The following PTCHD1 variants were observed in gnomAD, a reference collection of about 807,000 sequenced individuals.
PTCHD1 encodes the protein patched domain-containing protein 1.
A neutral mutation model predicts 34.6 loss-of-function variants in PTCHD1; 3 were observed. That is an observed-to-expected ratio of 0.09 (90% CI 0.04 to 0.22). The LOEUF (loss-of-function observed/expected upper bound fraction) is 0.22, where lower values mean the gene tolerates loss of function less well. Among genes scored for constraint, PTCHD1 ranks in the 10% least tolerant of loss-of-function variants. PTCHD1 has a pLI of 1.00. For synonymous variants in PTCHD1, 305 were observed against 283.1 expected, an observed-to-expected ratio of 1.08 and a Z score of -0.77; for missense variants, 504 against 685.5, an observed-to-expected ratio of 0.74 and a Z score of 2.96.
At chrX:23,335,270 C>T (rs373154888) in intron 1 of PTCHD1, 44 bp downstream of exon 1, 2 of 1,072,424 alleles carry the variant, frequency 1.9e-6, no homozygotes, top group African/African-American at 3.6e-5. Flanking sequence ...GCGCCGCGGC[C>T]GCGGTCGGGC....
At position 23,392,610 on chromosome X, in the gene PTCHD1, T is replaced by G. The variant is rs1204789959; in HGVS notation, c.1092T>G (p.Thr364=). 4 of 1,206,695 alleles carry G rather than the reference T, an allele frequency of 3.3e-6. No homozygotes were observed. The highest frequency in any genetic ancestry group is 3.4e-6 in the Non-Finnish European group (3 of 890,677). Residue 364 remains threonine, a synonymous_variant, in exon 3 of 3, where the codon ACT becomes ACG. Coordinates refer to ENST00000379361, the MANE Select transcript of PTCHD1 (RefSeq NM_173495.3). ...TREDQHVKER[T]AAVYADSMLS... ...AAGACCAACATGTTAAAGAGAGAACTGCAGCAGTCTATGCAGACTCCATGC... is the reference window on the plus strand; with the variant it reads ...AAGACCAACATGTTAAAGAGAGAACGGCAGCAGTCTATGCAGACTCCATGC...
At chrX:23,376,419 T>G (rs1256978711) in intron 1 of PTCHD1, among the ~76,000 whole-genome samples, 3 of 112,519 alleles carry the variant, frequency 2.7e-5, no homozygotes, top group Non-Finnish European at 3.8e-5. Context: ...ACCCTGGCTT[T>G]CTTTTCCCTC....
chrX:23,364,857 C>G (rs1463971926), intron 1 of PTCHD1, among the ~76,000 whole-genome samples: 3 of 112,811 alleles, frequency 2.7e-5, no homozygotes, highest in Non-Finnish European at 3.7e-5. Flanking sequence ...AGGCTTCTAA[C>G]TATGTCTCTA....
Position 23,401,624 on chromosome X carries a change from A to G in PTCHD1, c.*7439A>G, listed in dbSNP as rs1923126087. 1 of 113,314 alleles carries G rather than the reference A, an allele frequency of 8.8e-6. No homozygotes were observed. The highest frequency in any genetic ancestry group is 3.6e-4 in the South Asian group (1 of 2,813). 9.3% of individuals were successfully genotyped at this position (113,314 alleles called of 1,213,427 possible). A position where few individuals can be genotyped will look rare whatever the true frequency, so the allele number is the denominator to read the frequency against. ...ATGCTTACATACACACATATCACAG[A>G]TGTGCATGCACACATACACATGCAC... is the stretch of plus-strand genomic sequence containing the variant. On this transcript the variant is annotated 3_prime_UTR_variant, in exon 3 of 3. Coordinates refer to ENST00000379361, the MANE Select transcript of PTCHD1 (RefSeq NM_173495.3).
chrX:23,376,923 A>G (rs1922426703), intron 1 of PTCHD1, among the ~76,000 whole-genome samples: 1 of 112,131 alleles, frequency 8.9e-6, no homozygotes, highest in Non-Finnish European at 1.9e-5. Flanking sequence ...CTCAAACTTC[A>G]TTAAGGTTCT....
Position 23,356,359 on chromosome X carries a change from A to C in PTCHD1, c.351+21133A>C, listed in dbSNP as rs746824640. ...CAGATGTGTAAACACCCTGGGGACC[A>C]GGGAGGATCTAAAATGCGTGTCTAG... On this transcript the variant is annotated intron_variant, in intron 1 of 2. Coordinates refer to ENST00000379361, the MANE Select transcript of PTCHD1 (RefSeq NM_173495.3). 1.0e-3 allele frequency among the ~76,000 whole-genome samples: 115 copies of C among 112,426 alleles called. 1 individual carries two copies. The highest frequency in any genetic ancestry group is 3.6e-3 in the African/African-American group (110 of 30,955).
chrX:23,398,528 T>C lies in PTCHD1; in HGVS notation c.*4343T>C, dbSNP rs1332118471. On this transcript the variant is annotated 3_prime_UTR_variant, in exon 3 of 3. Transcript: ENST00000379361. Reference sequence around the variant, plus strand: ...ACTGTGGCTGGCTTGTCTGAGGGAATGTAAACATTCCCTTGAGGTAATTTG... The same window carrying C: ...ACTGTGGCTGGCTTGTCTGAGGGAACGTAAACATTCCCTTGAGGTAATTTG... The C allele has an allele frequency of 1.8e-5, 2 of 111,740 alleles. No individual in the cohort carries two copies. Among genetic ancestry groups the C allele is most frequent in the Non-Finnish European group, 3.8e-5 (2 of 53,114 alleles). The allele number at this position is 111,740 out of a possible 1,213,427, so 9.2% of individuals were successfully genotyped here. A position where few individuals can be genotyped will look rare whatever the true frequency, so the allele number is the denominator to read the frequency against.
rs1923118066 is a variant in PTCHD1, at chrX:23,401,290, A to G, written c.*7105A>G. ...AGGCTCATGCTCAGGAAAACTAATA[A>G]CGTTCTCTTTGACAAAACAATTTCC... On this transcript the variant is annotated 3_prime_UTR_variant, in exon 3 of 3. Coordinates refer to ENST00000379361, the MANE Select transcript of PTCHD1 (RefSeq NM_173495.3). 8.9e-6 allele frequency: 1 copy of G among 112,335 alleles called. No individual in the cohort carries two copies. The highest frequency in any genetic ancestry group is 9.4e-5 in the Admixed American group (1 of 10,673). The allele number at this position is 112,335 out of a possible 1,213,427, so 9.3% of individuals were successfully genotyped here.
chrX:23,361,608 G>A (rs185290366), intron 1 of PTCHD1, among the ~76,000 whole-genome samples: 1 of 111,722 alleles, frequency 9.0e-6, no homozygotes, highest in East Asian at 2.8e-4. Flanking sequence ...TATCCGATTT[G>A]CCAGTCTGTG....
chrX:23,374,293 AAAAAAAAAAAAAAAAAC>A (rs1267032922), intron 1 of PTCHD1, among the ~76,000 whole-genome samples: 7 of 81,355 alleles, frequency 8.6e-5, no homozygotes, highest in Admixed American at 1.3e-4. Context: ...AAAAAAAAAA[AAAAAAAAAAAAAAAAAC>A]CCAAAACCCT....
rs1336515022 is a variant in PTCHD1 at position 23,399,612 on chromosome X, T to C, written c.*5427T>C. 1.8e-5 allele frequency: 2 copies of C among 112,470 alleles called. No individual in the cohort carries two copies. Among genetic ancestry groups the C allele is most frequent in the African/African-American group, 6.5e-5 (2 of 30,997 alleles). The allele number at this position is 112,470 out of a possible 1,213,427, so 9.3% of individuals were successfully genotyped here. A position where few individuals can be genotyped will look rare whatever the true frequency, so the allele number is the denominator to read the frequency against. Reference sequence around the variant, plus strand: ...CTAAGGATCCAAAAATGCTTCAAAATATTGGTTTCTTCATCCCAAGCCAAG... The same window carrying C: ...CTAAGGATCCAAAAATGCTTCAAAACATTGGTTTCTTCATCCCAAGCCAAG... On this transcript the variant is annotated 3_prime_UTR_variant, in exon 3 of 3. Coordinates refer to ENST00000379361, the MANE Select transcript of PTCHD1 (RefSeq NM_173495.3).
chrX:23,371,575 C>T (rs1159177596), intron 1 of PTCHD1, among the ~76,000 whole-genome samples: 2 of 111,458 alleles, frequency 1.8e-5, no homozygotes, highest in Non-Finnish European at 3.8e-5. Flanking sequence ...AGTATTTCCA[C>T]ATCAGGCTGG....
intron 1 of PTCHD1, among the ~76,000 whole-genome samples, chrX:23,342,265 C>CATATATATATATAT (rs1921328923): frequency 2.1e-4 from 12 of 57,473 alleles, no homozygotes; most frequent in Non-Finnish European, 5.3e-4. Flanking sequence ...TGTGTTTCTC[C>CATATATATATATAT]CTATATATAT....
At chrX:23,346,414 TACA>T (rs1228971638) in intron 1 of PTCHD1, among the ~76,000 whole-genome samples, 1 of 111,197 alleles carries the variant, frequency 9.0e-6, no homozygotes, top group African/African-American at 3.3e-5. Context: ...GGTCAGTGGA[TACA>T]ACATTATTAA....
At chrX:23,355,964 A>G (rs983131016) in intron 1 of PTCHD1, among the ~76,000 whole-genome samples, 1 of 112,426 alleles carries the variant, frequency 8.9e-6, no homozygotes, top group Non-Finnish European at 1.9e-5. Context: ...ACAAACATAA[A>G]AGTATATATA....
chrX:23,351,425 C>T (rs1424835765), intron 1 of PTCHD1: 3 of 557,204 alleles, frequency 5.4e-6, no homozygotes, highest in Non-Finnish European at 9.6e-6. Flanking sequence ...AGATGACTAG[C>T]ACAGAACCCT....
At chrX:23,374,397 C>T (rs1356454646) in intron 1 of PTCHD1, among the ~76,000 whole-genome samples, 2 of 109,806 alleles carry the variant, frequency 1.8e-5, no homozygotes, top group Non-Finnish European at 3.8e-5. Context: ...CAGATACATC[C>T]TTCCTCCCTT....
At chrX:23,353,604 CAAAACAAAAA>C (rs1035461081) in intron 1 of PTCHD1, among the ~76,000 whole-genome samples, 3 of 93,704 alleles carry the variant, frequency 3.2e-5, no homozygotes, top group African/African-American at 8.9e-5. Context: ...CAAAACAAAA[CAAAACAAAAA>C]AAAAAAACGT....
At chrX:23,377,017 A>G (rs1176551458) in intron 1 of PTCHD1, among the ~76,000 whole-genome samples, 1 of 112,195 alleles carries the variant, frequency 8.9e-6, no homozygotes, top group Non-Finnish European at 1.9e-5. Context: ...TCCTGGGGTC[A>G]TAGCAGTAGA....
Sources: gnomAD v4.1 joint callset for allele counts (sites outside exome capture counted in the v4.1 genomes callset) on GRCh38, gnomAD v4.1.1 for gene constraint, MANE v1.5 for transcripts, NCBI Gene and HGNC (gene_info 2026-07-23, HGNC 2026-07-21) for gene names.